NBEA: variants seen among roughly 807,000 people sequenced by gnomAD.
NBEA encodes neurobeachin, also known as lysosomal-trafficking regulator 2.
In NBEA, 44 loss-of-function variants were observed where a neutral mutation model predicts 343.4. The ratio of observed to expected loss-of-function variants is 0.13; its 90% CI spans 0.10 to 0.16. The LOEUF is 0.16. Among genes scored for constraint, NBEA ranks in the 10% least tolerant of loss-of-function variants. NBEA has a pLI of 1.00. For missense variants in NBEA, 2,555 were observed against 3,631.3 expected, an observed-to-expected ratio of 0.70 and a Z score of 7.62; for synonymous variants, 1,175 against 1,238.7, an observed-to-expected ratio of 0.95 and a Z score of 1.08.
rs915236970 is a variant in NBEA at position 35,575,017 on chromosome 13, G to A, written c.7035+8000G>A. Among the ~76,000 whole-genome samples the A allele has an allele frequency of 3.9e-5, 6 of 152,062 alleles. No individual in the cohort carries two copies. In the South Asian group the frequency reaches 6.2e-4, roughly 16 times the overall value. The stretch of plus-strand genomic sequence containing the variant: ...GGCCTCTCAAAGTGTGGGGATTATC[G>A]GCGTGAGCCACCATGCGGCCAAGTG... On this transcript the variant is annotated intron_variant, in intron 45 of 58. Coordinates refer to ENST00000379939, the MANE Select transcript of NBEA (RefSeq NM_001385012.1).
At chr13:34,975,051 A>T (rs931752056) in intron 1 of NBEA, among the ~76,000 whole-genome samples, 1 of 152,174 alleles carries the variant, frequency 6.6e-6, no homozygotes, top group Non-Finnish European at 1.5e-5. Flanking sequence ...CAATTTACAT[A>T]TGGGGAAAGG....
intron 34 of NBEA, among the ~76,000 whole-genome samples, chr13:35,256,011 G>T (rs2032550577): frequency 2.0e-5 from 3 of 152,000 alleles, no homozygotes; most frequent in African/African-American, 4.8e-5. Context: ...CAGTGGAAAG[G>T]ATACCTGGAG....
chr13:35,074,425 G>T (rs1010950744), intron 10 of NBEA, among the ~76,000 whole-genome samples: 1 of 151,690 alleles, frequency 6.6e-6, no homozygotes, highest in Non-Finnish European at 1.5e-5. Flanking sequence ...GTTTTGCTTT[G>T]AAAAAAAATT....
chr13:35,283,677 A>G (rs1481344470), intron 34 of NBEA, among the ~76,000 whole-genome samples: 3 of 152,174 alleles, frequency 2.0e-5, no homozygotes. Context: ...GAGCTCCCTA[A>G]TAAAACACAT....
intron 1 of NBEA, among the ~76,000 whole-genome samples, chr13:34,990,091 T>A (rs2060697475): frequency 6.6e-6 from 1 of 151,182 alleles, no homozygotes; most frequent in African/African-American, 2.4e-5. Context: ...TATAGCCTCC[T>A]TGGCTGGTTT....
At chr13:35,344,548 A>C (rs949841044) in intron 36 of NBEA, among the ~76,000 whole-genome samples, 3 of 152,152 alleles carry the variant, frequency 2.0e-5, no homozygotes, top group Middle Eastern at 3.4e-3. Flanking sequence ...AAAACAACAC[A>C]AATAGTGAAC....
rs184441223 is a variant in NBEA at position 35,320,590 on chromosome 13, G to A, written c.5903+10998G>A. On this transcript the variant is annotated intron_variant, in intron 36 of 58. Coordinates refer to ENST00000379939, the MANE Select transcript of NBEA (RefSeq NM_001385012.1). Reference sequence around the variant, plus strand: ...TATGTGTCTTGGGGTTGCTCTTCTCGAGGAGTATCTTTGTGATGTTCTCTG... The same window carrying A: ...TATGTGTCTTGGGGTTGCTCTTCTCAAGGAGTATCTTTGTGATGTTCTCTG... Among the ~76,000 whole-genome samples the A allele has an allele frequency of 6.4e-4, 97 of 152,122 alleles. 1 individual carries two copies. The highest frequency in any genetic ancestry group is 5.9e-3 in the Admixed American group (90 of 15,278).
intron 34 of NBEA, among the ~76,000 whole-genome samples, chr13:35,285,034 G>A (rs905719986): frequency 6.6e-6 from 1 of 152,050 alleles, no homozygotes; most frequent in African/African-American, 2.4e-5. Context: ...GAAGCATATT[G>A]GACATGCAAA....
chr13:35,482,068 A>G (rs2076139719), intron 41 of NBEA, among the ~76,000 whole-genome samples: 1 of 151,800 alleles, frequency 6.6e-6, no homozygotes, highest in Non-Finnish European at 1.5e-5. Flanking sequence ...ATCAACTTCC[A>G]GTGATTACAT....
At chr13:35,016,872 T>G (rs945198830) in intron 1 of NBEA, among the ~76,000 whole-genome samples, 7 of 151,592 alleles carry the variant, frequency 4.6e-5, no homozygotes, top group African/African-American at 1.7e-4. Flanking sequence ...GGCCTGGGAG[T>G]TGGGAGAAAG....
In NBEA at chr13:35,304,479, G is replaced by T. The variant is rs568658587; in HGVS notation, c.5839-5049G>T. Among the ~76,000 whole-genome samples the T allele has an allele frequency of 8.4e-3, 1,277 of 152,050 alleles. 17 individuals carry two copies. The highest frequency in any genetic ancestry group is 9.7e-3 in the Non-Finnish European group (661 of 67,986). On this transcript the variant is annotated intron_variant, in intron 35 of 58. Transcript: ENST00000379939. ...AGCAATTCTCTTGCCTCAGCCTCCC[G>T]AGTAGCTGGGATTATAGGTGCTCAC...
intron 1 of NBEA, among the ~76,000 whole-genome samples, chr13:34,989,145 G>A (rs1232805587): frequency 1.3e-5 from 2 of 150,776 alleles, no homozygotes; most frequent in Admixed American, 1.3e-4. Flanking sequence ...TAGCTTTTCA[G>A]TCTAGAGTTG....
chr13:35,423,514 T>C (rs1368308430), intron 38 of NBEA, among the ~76,000 whole-genome samples: 1 of 152,214 alleles, frequency 6.6e-6, no homozygotes, highest in Non-Finnish European at 1.5e-5. Context: ...TCTATATCTC[T>C]GTTTTGGTAC....
At chr13:35,222,445 CATG>C (rs1293733335) in intron 33 of NBEA, among the ~76,000 whole-genome samples, 5 of 152,030 alleles carry the variant, frequency 3.3e-5, no homozygotes, top group Non-Finnish European at 7.4e-5. Context: ...TAATCACTGA[CATG>C]ATTGTATTGA....
At chr13:35,533,787 T>C (rs977814531) in intron 41 of NBEA, among the ~76,000 whole-genome samples, 1 of 152,186 alleles carries the variant, frequency 6.6e-6, no homozygotes, top group African/African-American at 2.4e-5. Flanking sequence ...TGGAGAAGCA[T>C]ACACTGGCAC....
intron 43 of NBEA, among the ~76,000 whole-genome samples, chr13:35,552,156 A>G (rs538536062): frequency 1.3e-4 from 20 of 152,364 alleles, no homozygotes; most frequent in African/African-American, 4.8e-4. Flanking sequence ...ACAGCACTGT[A>G]TGGATGGAAA....
chr13:35,054,192 T>C (rs1434939918), intron 6 of NBEA, among the ~76,000 whole-genome samples: 2 of 152,152 alleles, frequency 1.3e-5, no homozygotes, highest in Non-Finnish European at 2.9e-5. Context: ...ACACATTTTA[T>C]TCCACAATAT....
intron 34 of NBEA, among the ~76,000 whole-genome samples, chr13:35,271,497 G>A (rs955642414): frequency 6.6e-6 from 1 of 152,188 alleles, no homozygotes; most frequent in East Asian, 1.9e-4. Context: ...AAAACTGGAT[G>A]GAGAATGACT....
chr13:35,554,138 A>C (rs1424646572), intron 43 of NBEA, among the ~76,000 whole-genome samples: 1 of 152,222 alleles, frequency 6.6e-6, no homozygotes, highest in Non-Finnish European at 1.5e-5. Flanking sequence ...TGTATTTTCA[A>C]ATAGCTACTC....
Sources: allele counts gnomAD v4.1 joint callset (sites outside exome capture counted in the v4.1 genomes callset), GRCh38; gene constraint gnomAD v4.1.1; transcripts MANE v1.5; gene names NCBI Gene and HGNC (gene_info 2026-07-23, HGNC 2026-07-21).